FMN1: variants seen among roughly 807,000 people sequenced by gnomAD.
The protein encoded by FMN1 is formin 1, also known as formin-1.
Under a neutral mutation model 132.4 loss-of-function variants are expected in FMN1, and 110 were observed. The ratio of observed to expected loss-of-function variants is 0.83; its 90% CI spans 0.71 to 0.97. The LOEUF (loss-of-function observed/expected upper bound fraction) is 0.97. Among genes scored for constraint, FMN1 ranks in the 50% least tolerant of loss-of-function variants. The pLI is 0.00. For synonymous variants in FMN1, 722 were observed against 651.7 expected (o/e 1.11, Z -1.64); for missense variants, 1,792 against 1,705.3 (o/e 1.05, Z -0.90).
At chr15:33,067,312 A>C in intron 5 of FMN1, 1 of 1,613,986 alleles carries the variant, frequency 6.2e-7, no homozygotes, top group South Asian at 1.1e-5. Context: ...CCCCAGTGAC[A>C]GTATTTTCCC....
chr15:32,989,942 T>G (rs2033332839), intron 7 of FMN1, among the ~76,000 whole-genome samples: 1 of 152,106 alleles, frequency 6.6e-6, no homozygotes. Context: ...GCAGATTGCT[T>G]TTTGTCATGT....
At chr15:33,067,536 G>A in intron 5 of FMN1, 4 of 1,613,964 alleles carry the variant, frequency 2.5e-6, no homozygotes, top group Non-Finnish European at 3.4e-6. Context: ...TCTTGAGCAA[G>A]GAGAGATGTC....
chr15:33,076,241 AG>A (rs2038203170), intron 5 of FMN1, among the ~76,000 whole-genome samples: 2 of 152,206 alleles, frequency 1.3e-5, no homozygotes, highest in African/African-American at 4.8e-5. Context: ...TGACAGCAGA[AG>A]GCATGGAGTC....
chr15:33,027,510 G>A (rs1231431399), intron 6 of FMN1, among the ~76,000 whole-genome samples: 1 of 152,164 alleles, frequency 6.6e-6, no homozygotes, highest in Non-Finnish European at 1.5e-5. Context: ...GCACACAGGT[G>A]GAAACAGAGC....
chr15:32,963,184 T>C (rs951343872), intron 9 of FMN1, among the ~76,000 whole-genome samples: 24 of 151,274 alleles, frequency 1.6e-4, no homozygotes, highest in Non-Finnish European at 2.8e-4. Context: ...TGAGTTCACG[T>C]CCTTTGTAGG....
In FMN1 at chr15:33,154,188, T is replaced by C; in HGVS notation, c.727A>G (p.Thr243Ala). ...CCAAAGCCAAGGTCTGTGTCTGGCGTCTTGGGAATATCTGGGGGGCAGCTC... is the reference window on the plus strand; with the variant it reads ...CCAAAGCCAAGGTCTGTGTCTGGCGCCTTGGGAATATCTGGGGGGCAGCTC... ...RESCPPDIPK[T>A]PDTDLGFGSF... Residue 243 changes from threonine to alanine, a missense_variant, in exon 4 of 21, where the codon ACG becomes GCG. Coordinates refer to ENST00000616417, the MANE Select transcript of FMN1 (RefSeq NM_001277313.2). 1 of 1,536,326 alleles carries C rather than the reference T, an allele frequency of 6.5e-7. No individual in the cohort carries two copies. The highest frequency in any genetic ancestry group is 8.7e-7 in the Non-Finnish European group (1 of 1,146,962).
rs930786761 is a variant in FMN1, at chr15:32,767,015, G to C, written c.*7295C>G. The C allele has an allele frequency of 6.6e-6, 1 of 152,138 alleles. No homozygotes were observed. The highest frequency in any genetic ancestry group is 1.5e-5 in the Non-Finnish European group (1 of 68,058). The allele number at this position is 152,138 out of a possible 1,614,324, so 9.4% of individuals were successfully genotyped here. ...AACCAAGCACAGACCAGTTTCACTG[G>C]GGTACCTGCTTTCCCAGTACATTGG... is the stretch of plus-strand genomic sequence containing the variant. On this transcript the variant is annotated 3_prime_UTR_variant, in exon 21 of 21. Transcript: ENST00000616417.
chr15:33,139,813 A>T (rs1963932144), intron 4 of FMN1, among the ~76,000 whole-genome samples: 1 of 152,184 alleles, frequency 6.6e-6, no homozygotes. Context: ...TAACATGAAG[A>T]CACAGAGCCA....
intron 4 of FMN1, among the ~76,000 whole-genome samples, chr15:33,146,909 T>A (rs980763234): frequency 3.9e-5 from 6 of 152,056 alleles, no homozygotes; most frequent in Non-Finnish European, 8.8e-5. Flanking sequence ...AGGCCGTGGC[T>A]CACCCCTGTA....
chr15:33,087,092 C>T (rs2141351045), intron 5 of FMN1, among the ~76,000 whole-genome samples: 1 of 152,326 alleles, frequency 6.6e-6, no homozygotes, highest in Admixed American at 6.5e-5. Flanking sequence ...CTCACCTCAT[C>T]TGTGACAGGA....
At chr15:33,060,925 A>T (rs2339187) in intron 6 of FMN1, among the ~76,000 whole-genome samples, 2,308 of 152,294 alleles carry the variant, frequency 0.015, 56 homozygotes, top group African/African-American at 0.053. Flanking sequence ...ACATCATGAC[A>T]ATGTATTTTT....
intron 5 of FMN1, among the ~76,000 whole-genome samples, chr15:33,083,927 C>T (rs1478241510): frequency 2.6e-5 from 4 of 152,122 alleles, no homozygotes; most frequent in African/African-American, 4.8e-5. Flanking sequence ...AATTATAACG[C>T]ATCAGCATGC....
chr15:33,138,153 C>A (rs1346819840), intron 4 of FMN1, among the ~76,000 whole-genome samples: 1 of 152,046 alleles, frequency 6.6e-6, no homozygotes, highest in South Asian at 2.1e-4. Flanking sequence ...CACAGGACAA[C>A]GAAAGTGATG....
chr15:33,001,709 CCCTCCT>C (rs141163075), intron 7 of FMN1, among the ~76,000 whole-genome samples: 7 of 137,708 alleles, frequency 5.1e-5, no homozygotes, highest in South Asian at 2.6e-4. Flanking sequence ...TCCCCCTTCC[CCCTCCT>C]CCTCCTCCTC....
chr15:32,935,916 G>A (rs12913108), intron 9 of FMN1, among the ~76,000 whole-genome samples: 6 of 151,874 alleles, frequency 4.0e-5, no homozygotes, highest in Admixed American at 1.3e-4. Context: ...GTGAGCCACC[G>A]GCACCTAGCC....
chr15:32,818,263 T>C (rs944943566), intron 17 of FMN1, among the ~76,000 whole-genome samples: 9 of 152,162 alleles, frequency 5.9e-5, no homozygotes, highest in Non-Finnish European at 1.3e-4. Context: ...TGAATACTTT[T>C]ATAATGAATT....
intron 4 of FMN1, among the ~76,000 whole-genome samples, chr15:33,134,535 C>T (rs796292510): frequency 6.6e-5 from 10 of 152,262 alleles, no homozygotes; most frequent in South Asian, 2.1e-4. Flanking sequence ...GTTCTAGATC[C>T]GCTAGACATT....
Position 33,153,249 on chromosome 15 carries a change from A to G in FMN1, c.1666T>C (p.Cys556Arg), listed in dbSNP as rs61746221. ...EREAALNDSP[C>R]RKSRVFSGCV... is the part of the protein sequence containing the mutation. ...CCAGAGAAGACACGGCTCTTTCTAC[A>G]AGGAGAGTCATTAAGAGCAGCTTCC... Residue 556 changes from cysteine (C) to arginine (R), a missense_variant, in exon 4 of 21, where the codon TGT (cysteine) becomes CGT (arginine). Transcript: ENST00000616417. The G allele has an allele frequency of 2.6e-6, 4 of 1,536,020 alleles. No individual in the cohort carries two copies. Among genetic ancestry groups the G allele is most frequent in the Non-Finnish European group, 3.5e-6 (4 of 1,146,900 alleles).
At chr15:33,052,875 T>C (rs2141185404) in intron 6 of FMN1, among the ~76,000 whole-genome samples, 1 of 152,244 alleles carries the variant, frequency 6.6e-6, no homozygotes, top group South Asian at 2.1e-4. Context: ...GTGGTGTCTT[T>C]ACTTTAACCT....
Sources: gnomAD v4.1 joint callset for allele counts (sites outside exome capture counted in the v4.1 genomes callset) on GRCh38, gnomAD v4.1.1 for gene constraint, MANE v1.5 for transcripts, NCBI Gene and HGNC (gene_info 2026-07-23, HGNC 2026-07-21) for gene names.